The following HECW1 variants were observed in gnomAD, a reference collection of about 807,000 sequenced individuals.
The protein encoded by HECW1 is E3 ubiquitin-protein ligase HECW1.
Under a neutral mutation model 182.3 loss-of-function variants are expected in HECW1, and 61 were observed. The ratio of observed to expected loss-of-function variants is 0.33; its 90% CI spans 0.27 to 0.41. The LOEUF (loss-of-function observed/expected upper bound fraction) is 0.41, where lower values mean the gene tolerates loss of function less well. HECW1 is among the 10% of genes least tolerant of loss of function. HECW1 has a pLI of 1.00. For missense variants in HECW1, 1,739 were observed against 2,108.9 expected, an observed-to-expected ratio of 0.82 and a Z score of 3.44; for synonymous variants, 859 against 832.6, an observed-to-expected ratio of 1.03 and a Z score of -0.55.
chr7:43,308,610 T>G (rs1808094593), intron 3 of HECW1, among the ~76,000 whole-genome samples: 1 of 151,710 alleles, frequency 6.6e-6, no homozygotes, highest in South Asian at 2.1e-4. Flanking sequence ...ACTACTAAAT[T>G]ATCATGCCTT....
At chr7:43,405,483 A>G (rs1314856064) in intron 7 of HECW1, among the ~76,000 whole-genome samples, 1 of 152,172 alleles carries the variant, frequency 6.6e-6, no homozygotes, top group Non-Finnish European at 1.5e-5. Flanking sequence ...GTGGAGTTAC[A>G]CAGACATGCT....
chr7:43,470,047 C>T (rs2077954963), intron 16 of HECW1, among the ~76,000 whole-genome samples: 1 of 152,180 alleles, frequency 6.6e-6, no homozygotes, highest in African/African-American at 2.4e-5. Context: ...CAAGTCCATT[C>T]ATAAAATGAA....
chr7:43,293,446 A>G (rs748933334), intron 3 of HECW1, among the ~76,000 whole-genome samples: 1 of 152,156 alleles, frequency 6.6e-6, no homozygotes, highest in Non-Finnish European at 1.5e-5. Context: ...TCCCATCTGC[A>G]GTGCAGACAA....
intron 3 of HECW1, among the ~76,000 whole-genome samples, chr7:43,291,060 G>A (rs1346485297): frequency 6.6e-6 from 1 of 152,196 alleles, no homozygotes; most frequent in Non-Finnish European, 1.5e-5. Context: ...GGGAAAAATA[G>A]TTTTCTCCTC....
chr7:43,145,991 T>C (rs1293841983), intron 2 of HECW1, among the ~76,000 whole-genome samples: 2 of 152,194 alleles, frequency 1.3e-5, no homozygotes, highest in African/African-American at 4.8e-5. Flanking sequence ...ACACCTGGAT[T>C]TATCACTTGG....
intron 17 of HECW1, among the ~76,000 whole-genome samples, chr7:43,488,464 GAA>G (rs1448936691): frequency 1.4e-5 from 2 of 148,060 alleles, no homozygotes; most frequent in African/African-American, 2.5e-5. Context: ...AAGAAAGAAA[GAA>G]AGAAAGAAAG....
rs778545631 is a variant in HECW1, at chr7:43,243,356, G to A, written c.-31-519G>A. ...ACAGTCACTCCGCAGGACAACAAGTGGAAGGGGATGGCACTTCTTGAGTCT... is the reference window on the plus strand; with the variant it reads ...ACAGTCACTCCGCAGGACAACAAGTAGAAGGGGATGGCACTTCTTGAGTCT... On this transcript the variant is annotated intron_variant, in intron 2 of 29. Transcript: ENST00000395891. This position sits in a 1 kb window ranked among gnomAD's most constrained non-coding sequence, Gnocchi z 4.0. Among the ~76,000 whole-genome samples the A allele has an allele frequency of 6.6e-6, 1 of 152,158 alleles. No homozygotes were observed. The highest frequency in any genetic ancestry group is 2.4e-5 in the African/African-American group (1 of 41,410).
chr7:43,249,245 A>C (rs923533242), intron 3 of HECW1: 1 of 152,466 alleles, frequency 6.6e-6, no homozygotes, highest in African/African-American at 2.4e-5. Context: ...CACAGAAATA[A>C]AACTGTCCTG....
At chr7:43,428,007 C>T (rs766835500) in intron 8 of HECW1, among the ~76,000 whole-genome samples, 21 of 152,192 alleles carry the variant, frequency 1.4e-4, no homozygotes, top group Admixed American at 2.0e-4. Flanking sequence ...CTAATCATGG[C>T]TTGGCATCCA....
At chr7:43,453,578 CA>C (rs2077304450) in intron 12 of HECW1, among the ~76,000 whole-genome samples, 1 of 152,042 alleles carries the variant, frequency 6.6e-6, no homozygotes, top group South Asian at 2.1e-4. Flanking sequence ...CTAGACTATG[CA>C]ATAGTATTAC....
At chr7:43,378,783 G>C (rs1281414346) in intron 6 of HECW1, among the ~76,000 whole-genome samples, 7 of 151,716 alleles carry the variant, frequency 4.6e-5, no homozygotes, top group Non-Finnish European at 1.0e-4. Flanking sequence ...TCCAGCCTGG[G>C]CAACAGAGTG....
chr7:43,370,470 T>G (rs7799671), intron 6 of HECW1, among the ~76,000 whole-genome samples: 3 of 152,306 alleles, frequency 2.0e-5, no homozygotes, highest in African/African-American at 7.2e-5. Flanking sequence ...AACATACCCT[T>G]ACCATATGAT....
chr7:43,342,719 ATTC>A (rs1813147634), intron 5 of HECW1, among the ~76,000 whole-genome samples: 1 of 151,756 alleles, frequency 6.6e-6, no homozygotes, highest in Non-Finnish European at 1.5e-5. Flanking sequence ...TAAGTTCATT[ATTC>A]TTAAGAATGT....
intron 24 of HECW1, among the ~76,000 whole-genome samples, chr7:43,532,766 C>T (rs890111044): frequency 2.0e-5 from 3 of 152,166 alleles, no homozygotes; most frequent in African/African-American, 7.2e-5. Context: ...TCATCACTTC[C>T]CCAAAAGAAA....
chr7:43,309,345 C>T (rs928860427), intron 3 of HECW1, among the ~76,000 whole-genome samples: 2 of 152,172 alleles, frequency 1.3e-5, no homozygotes, highest in Non-Finnish European at 1.5e-5. Context: ...GCCCTGCTTA[C>T]CCCGGACAAA....
At chr7:43,378,973 G>A (rs1216629414) in intron 6 of HECW1, among the ~76,000 whole-genome samples, 2 of 152,086 alleles carry the variant, frequency 1.3e-5, no homozygotes, top group Non-Finnish European at 2.9e-5. Flanking sequence ...AGAACATGGG[G>A]TGGTTATTGC....
chr7:43,553,688 A>AAAAAG (rs369905426), intron 28 of HECW1, among the ~76,000 whole-genome samples: 4 of 136,338 alleles, frequency 2.9e-5, no homozygotes, highest in Non-Finnish European at 4.7e-5. Flanking sequence ...AAAAAAAAAA[A>AAAAAG]GTCTCTGCCT....
At chr7:43,291,207 A>G (rs1805357530) in intron 3 of HECW1, among the ~76,000 whole-genome samples, 1 of 152,262 alleles carries the variant, frequency 6.6e-6, no homozygotes, top group South Asian at 2.1e-4. Context: ...TACACCTGCT[A>G]GCAGTCTTGC....
At chr7:43,120,804 C>T (rs917063646) in intron 2 of HECW1, among the ~76,000 whole-genome samples, 6 of 152,032 alleles carry the variant, frequency 3.9e-5, no homozygotes, top group African/African-American at 1.2e-4. Flanking sequence ...CCACCACACC[C>T]GGCTGATTTT....
Sources: allele counts gnomAD v4.1 joint callset (sites outside exome capture counted in the v4.1 genomes callset), GRCh38; gene constraint gnomAD v4.1.1; non-coding constraint Gnocchi (gnomAD v3.1); transcripts MANE v1.5; gene names NCBI Gene and HGNC (gene_info 2026-07-23, HGNC 2026-07-21).